NMD3: variants seen among roughly 807,000 people sequenced by gnomAD.
The protein encoded by NMD3 is NMD3 ribosome export adaptor.
In NMD3, 47 loss-of-function variants were observed where a neutral mutation model predicts 73.1. The observed-to-expected ratio is 0.64, with a 90% confidence interval of 0.51 to 0.82. NMD3 has a LOEUF of 0.82. Ranked by LOEUF, NMD3 falls within the 40% of genes least tolerant of loss-of-function variation. The pLI, the probability that NMD3 is intolerant of heterozygous loss-of-function variation, is 0.00. For synonymous variants in NMD3, 210 were observed against 194.5 expected (o/e 1.08, Z -0.66); for missense variants, 554 against 612.5 (o/e 0.90, Z 1.01).
At chr3:161,237,117 T>G (rs1736786714) in intron 7 of NMD3, among the ~76,000 whole-genome samples, 1 of 152,238 alleles carries the variant, frequency 6.6e-6, no homozygotes, top group South Asian at 2.1e-4. Flanking sequence ...CTTTTGGCTA[T>G]TCCTTTCTTG....
At chr3:161,236,982 G>A (rs998477016) in intron 7 of NMD3, among the ~76,000 whole-genome samples, 1 of 152,086 alleles carries the variant, frequency 6.6e-6, no homozygotes, top group Non-Finnish European at 1.5e-5. Context: ...GACATTAAAT[G>A]TGTAATGTTC....
intron 12 of NMD3, 28 bp from the exon 13 acceptor site, chr3:161,247,230 A>G: frequency 6.7e-7 from 1 of 1,487,268 alleles, no homozygotes; most frequent in Non-Finnish European, 9.4e-7. Flanking sequence ...GTAAATGGTC[A>G]CTAAGTTTTT....
intron 9 of NMD3, among the ~76,000 whole-genome samples, chr3:161,240,749 G>A (rs549272125): frequency 1.5e-4 from 22 of 151,582 alleles, no homozygotes; most frequent in Non-Finnish European, 2.9e-4. Context: ...GTCCAGGTTA[G>A]ACTTGAACTC....
At position 161,241,085 on chromosome 3, in the gene NMD3, C is replaced by G. The variant is rs200768762; in HGVS notation, c.793C>G (p.Leu265Val). The change falls in exon 10 of 16, where the codon CTG becomes GTG. Residue 265 changes from leucine (L) to valine (V), a missense_variant. Leu to Val is a conservative substitution (Grantham distance 32). Transcript: ENST00000351193. ...TCTGTCTCCAAAACTGGCACAAAGC[C>G]TGGGAAATATGAACCAGATTTGTGT... Reference protein sequence around the residue: ...VCLSPKLAQSLGNMNQICVCI... With the variant: ...VCLSPKLAQSVGNMNQICVCI... 6.2e-7 allele frequency: 1 copy of G among 1,613,016 alleles called. No individual in the cohort carries two copies. The highest frequency in any genetic ancestry group is 8.5e-7 in the Non-Finnish European group (1 of 1,179,646).
chr3:161,234,766 G>T lies in NMD3; in HGVS notation c.397G>T (p.Asp133Tyr). 6.2e-7 allele frequency: 1 copy of T among 1,612,896 alleles called. No homozygotes were observed. The highest frequency in any genetic ancestry group is 8.5e-7 in the Non-Finnish European group (1 of 1,179,152). ...GAILQQVFVV[D>Y]YVVQSQMCGD... ...TATCCTTCAACAAGTGTTTGTGGTG[G>T]ATTATGTTGTTCAGTCCCAAATGTG... The change falls in exon 6 of 16, where the codon GAT (aspartate) becomes TAT (tyrosine). Residue 133 changes from aspartate (D) to tyrosine (Y), a missense_variant. Asp to Tyr is a radical substitution (Grantham distance 160, BLOSUM62 -3). Transcript: ENST00000351193.
At chr3:161,237,858 C>T (rs1736823883) in intron 7 of NMD3, among the ~76,000 whole-genome samples, 1 of 152,040 alleles carries the variant, frequency 6.6e-6, no homozygotes, top group Admixed American at 6.6e-5. Flanking sequence ...CTTTGTTTTT[C>T]TGTCCCCCTT....
intron 2 of NMD3, among the ~76,000 whole-genome samples, chr3:161,223,783 C>A (rs1266989018): frequency 6.6e-6 from 1 of 152,134 alleles, no homozygotes; most frequent in East Asian, 1.9e-4. Context: ...ACAGGATTTT[C>A]TTTTTGGTTT....
At chr3:161,243,450 C>T (rs965789551) in intron 11 of NMD3, among the ~76,000 whole-genome samples, 2 of 152,094 alleles carry the variant, frequency 1.3e-5, no homozygotes, top group African/African-American at 4.8e-5. Flanking sequence ...TCATTTGTCC[C>T]AAAAGTGTCT....
chr3:161,244,813 A>G (rs951456432), intron 11 of NMD3, among the ~76,000 whole-genome samples: 2 of 151,410 alleles, frequency 1.3e-5, no homozygotes, highest in East Asian at 1.9e-4. Context: ...TGTAGAGTCA[A>G]TCTCACTGTT....
chr3:161,228,520 A>G (rs949111742), intron 4 of NMD3, among the ~76,000 whole-genome samples: 35 of 151,766 alleles, frequency 2.3e-4, no homozygotes, highest in African/African-American at 8.2e-4. Context: ...AGTTTTTCTG[A>G]AGATTTTGAT....
rs200176141 is a variant in NMD3, at chr3:161,234,898, C to T, written c.486+43C>T. On this transcript the variant is annotated intron_variant, in intron 6 of 15. Coordinates refer to ENST00000351193, the MANE Select transcript of NMD3 (RefSeq NM_015938.5). Reference sequence around the variant, plus strand: ...TGAGTGAGTCCTACATCTTATATTTCGTCTTTGTTAATTATAACTTTTCCT... The same window carrying T: ...TGAGTGAGTCCTACATCTTATATTTTGTCTTTGTTAATTATAACTTTTCCT... The T allele has an allele frequency of 2.9e-4, 460 of 1,597,650 alleles. 1 individual carries two copies. The highest frequency in any genetic ancestry group is 3.7e-4 in the Non-Finnish European group (433 of 1,167,428).
In NMD3 at chr3:161,241,889, C is replaced by A. The variant is rs186870610; in HGVS notation, c.872-619C>A. ...AACCAATTTTGTTATTACTGTAGAT[C>A]ATTTTTTAACATTGTCTATAGAATA... On this transcript the variant is annotated intron_variant, in intron 10 of 15. Transcript: ENST00000351193. Among the ~76,000 whole-genome samples, 903 of 152,082 alleles carry A rather than the reference C, an allele frequency of 5.9e-3. 6 individuals carry two copies. Among genetic ancestry groups the A allele is most frequent in the African/African-American group, 0.021 (869 of 41,482 alleles).
intron 9 of NMD3, among the ~76,000 whole-genome samples, chr3:161,239,834 C>G (rs1363602823): frequency 6.6e-6 from 1 of 152,184 alleles, no homozygotes; most frequent in African/African-American, 2.4e-5. Flanking sequence ...AGCTACTCAG[C>G]TTTGCTGTTG....
In NMD3 at chr3:161,238,805, G is replaced by C. The variant is rs1736865798; in HGVS notation, c.732G>C (p.Val244=). The C allele has an allele frequency of 6.5e-7, 1 of 1,545,064 alleles. No individual in the cohort carries two copies. Among genetic ancestry groups the C allele is most frequent in the African/African-American group, 1.4e-5 (1 of 72,392 alleles). ...ACAATTACAAAAGCACTTTTTCTGTGGAAATTGTTCCAATATGCAAGGTAC... is the reference window on the plus strand; with the variant it reads ...ACAATTACAAAAGCACTTTTTCTGTCGAAATTGTTCCAATATGCAAGGTAC... The part of the protein sequence containing the change: ...NTYNYKSTFS[V]EIVPICKDNV... Residue 244 remains valine (V), a synonymous_variant, in exon 9 of 16, where the codon GTG becomes GTC. Transcript: ENST00000351193.
downstream of NMD3, chr3:161,252,677 G>T: frequency 1.9e-6 from 1 of 539,712 alleles, no homozygotes; most frequent in Non-Finnish European, 3.3e-6. Flanking sequence ...TATGGCTTGG[G>T]AAGGCTGGTA....
At chr3:161,228,289 C>G (rs1736401373) in intron 4 of NMD3, among the ~76,000 whole-genome samples, 1 of 152,096 alleles carries the variant, frequency 6.6e-6, no homozygotes. Flanking sequence ...TACTAGGTCC[C>G]AGCCAACCCC....
chr3:161,238,215 A>C (rs1347431718), intron 8 of NMD3, 24 bp downstream of exon 8: 1 of 1,437,304 alleles, frequency 7.0e-7, no homozygotes, highest in Non-Finnish European at 9.6e-7. Flanking sequence ...CTTGAATGTG[A>C]CTAAATCTAA....
chr3:161,238,177 T>C lies in NMD3; in HGVS notation c.642T>C (p.Cys214=). 6.2e-7 allele frequency: 1 copy of C among 1,603,390 alleles called. No individual in the cohort carries two copies. The highest frequency in any genetic ancestry group is 8.5e-7 in the Non-Finnish European group (1 of 1,172,880). Residue 214 remains cysteine, a synonymous_variant, in exon 8 of 16, where the codon TGT becomes TGC. Transcript: ENST00000351193. ...HAQKMVEFLQ[C]TVPCRYKASQ... ...AGAAGATGGTCGAATTTCTTCAGTGTACAGTTCCCTGTAGGTATGTTCTGA... is the reference window on the plus strand; with the variant it reads ...AGAAGATGGTCGAATTTCTTCAGTGCACAGTTCCCTGTAGGTATGTTCTGA...
rs1560061548 is a variant in NMD3, at chr3:161,221,971, TTTTTTTTTTTTTTTTTTA to T, written c.-20-22_-20-5del. On this transcript the variant is annotated splice_region_variant and splice_polypyrimidine_tract_variant and intron_variant, in intron 1 of 15. Coordinates refer to ENST00000351193, the MANE Select transcript of NMD3 (RefSeq NM_015938.5). ...TCCCAACATTCTCTTTTTTTTTTTT[TTTTTTTTTTTTTTTTTTA>T]AAAGAACTTAAGGCATACAGAACGA... is the stretch of plus-strand genomic sequence containing the variant. 1 of 478,658 alleles carries T rather than the reference TTTTTTTTTTTTTTTTTTA, an allele frequency of 2.1e-6. No homozygotes were observed. Among genetic ancestry groups the T allele is most frequent in the Non-Finnish European group, 2.6e-6 (1 of 385,938 alleles). 29.7% of individuals were successfully genotyped at this position (478,658 alleles called of 1,614,324 possible).
Sources: allele counts gnomAD v4.1 joint callset (sites outside exome capture counted in the v4.1 genomes callset), GRCh38; gene constraint gnomAD v4.1.1; transcripts MANE v1.5; gene names NCBI Gene and HGNC (gene_info 2026-07-23, HGNC 2026-07-21).